ST3GAL6: variants seen among roughly 807,000 people sequenced by gnomAD.
ST3GAL6 encodes type 2 lactosamine alpha-2,3-sialyltransferase.
ST3GAL6 carries 31 observed loss-of-function variants against 40.5 expected under a neutral mutation model. The observed-to-expected ratio is 0.77, with a 90% CI of 0.58 to 1.03. The LOEUF is 1.03. Ranked by LOEUF, ST3GAL6 falls within the 50% of genes least tolerant of loss-of-function variation. ST3GAL6 has a pLI of 0.00. For synonymous variants in ST3GAL6, 129 were observed against 136.9 expected, an observed-to-expected ratio of 0.94 and a Z score of 0.40; for missense variants, 357 against 393.2, an observed-to-expected ratio of 0.91 and a Z score of 0.78.
chr3:98,758,505 T>A (rs1219746086), upstream of ST3GAL6, among the ~76,000 whole-genome samples: 2 of 152,220 alleles, frequency 1.3e-5, no homozygotes, highest in East Asian at 1.9e-4. Flanking sequence ...AAAAAAGATA[T>A]GGTTTCTATA....
chr3:98,732,623 A>T (rs935580962), intron 1 of ST3GAL6: 7 of 471,976 alleles, frequency 1.5e-5, no homozygotes, highest in African/African-American at 1.4e-4. Flanking sequence ...TTCCTCCTCG[A>T]ATTTGGGGGC....
intron 6 of ST3GAL6, 88 bp downstream of exon 6, chr3:98,785,128 G>A: frequency 1.1e-6 from 1 of 911,564 alleles, no homozygotes. Flanking sequence ...GACAGGAAGG[G>A]GAGATGTTTC....
chr3:98,752,966 A>G (rs2107347832), intron 1 of ST3GAL6, among the ~76,000 whole-genome samples: 1 of 152,344 alleles, frequency 6.6e-6, no homozygotes, highest in South Asian at 2.1e-4. Context: ...AGTCCAATTA[A>G]TAATCCTCCA....
chr3:98,746,378 G>A (rs949505929), intron 1 of ST3GAL6, among the ~76,000 whole-genome samples: 2 of 152,042 alleles, frequency 1.3e-5, no homozygotes, highest in Non-Finnish European at 2.9e-5. Context: ...AGTGTACTGG[G>A]GTGACGTTTT....
At chr3:98,782,731 C>T (rs1224434743) in intron 5 of ST3GAL6, 7 of 491,052 alleles carry the variant, frequency 1.4e-5, no homozygotes, top group Non-Finnish European at 2.0e-5. Flanking sequence ...ATGGCGTGTC[C>T]ATAGATCATG....
intron 5 of ST3GAL6, among the ~76,000 whole-genome samples, chr3:98,775,504 C>G (rs1939460317): frequency 6.6e-6 from 1 of 151,672 alleles, no homozygotes; most frequent in Non-Finnish European, 1.5e-5. Context: ...AATTGTGAGT[C>G]CTTGCAGCAA....
In ST3GAL6 at chr3:98,780,769, G is replaced by A. The variant is rs1940024078; in HGVS notation, c.336-4176G>A. Among the ~76,000 whole-genome samples the A allele has an allele frequency of 2.6e-5, 4 of 152,094 alleles. No homozygotes were observed. In the South Asian group the frequency reaches 8.3e-4, roughly 32 times the overall value. ...ATAATGGCACATGTATATGACAGAT[G>A]GTAGCTACTCTTACCATGATACTCT... On this transcript the variant is annotated intron_variant, in intron 5 of 9. Coordinates refer to ENST00000483910, the MANE Select transcript of ST3GAL6 (RefSeq NM_001323368.2).
chr3:98,748,484 G>C (rs1936728775), intron 1 of ST3GAL6, among the ~76,000 whole-genome samples: 1 of 152,012 alleles, frequency 6.6e-6, no homozygotes, highest in Non-Finnish European at 1.5e-5. Flanking sequence ...TTATTTTTTT[G>C]AGACAGAGTC....
intron 1 of ST3GAL6, chr3:98,733,533 C>T: frequency 1.0e-6 from 1 of 985,742 alleles, no homozygotes; most frequent in Non-Finnish European, 1.2e-6. Flanking sequence ...TTTTTCCCTC[C>T]ACAATGGAAC....
Position 98,763,493 on chromosome 3 carries a change from G to C in ST3GAL6, c.-12+54G>C, listed in dbSNP as rs928047044. On this transcript the variant is annotated intron_variant, in intron 1 of 9. Transcript: ENST00000483910. ...AGGGGAAGGTTGTGGCTTAAATCTA[G>C]ATGCTGCTGAGATATTAGACATTAG... 3.9e-6 allele frequency: 5 copies of C among 1,286,074 alleles called. No homozygotes were observed. In the African/African-American group the frequency reaches 6.1e-5, roughly 16 times the overall value. The allele number at this position is 1,286,074 out of a possible 1,614,324, so 79.7% of individuals were successfully genotyped here. A position where few individuals can be genotyped will look rare whatever the true frequency, so the allele number is the denominator to read the frequency against.
Position 98,795,264 on chromosome 3 carries a change from G to A in ST3GAL6, c.*1503G>A, listed in dbSNP as rs564853489. 1 of 152,316 alleles carries A rather than the reference G, an allele frequency of 6.6e-6. No individual in the cohort carries two copies. The highest frequency in any genetic ancestry group is 2.4e-5 in the African/African-American group (1 of 41,552). The allele number at this position is 152,316 out of a possible 1,614,324, so 9.4% of individuals were successfully genotyped here. On this transcript the variant is annotated 3_prime_UTR_variant, in exon 10 of 10. Transcript: ENST00000483910. Reference sequence around the variant, plus strand: ...GGGAAACACTGGAAAACCATGGCTTGATTACTGACAACCAACCTGCCTCTC... The same window carrying A: ...GGGAAACACTGGAAAACCATGGCTTAATTACTGACAACCAACCTGCCTCTC...
intron 5 of ST3GAL6, 63 bp downstream of exon 5, chr3:98,774,046 T>A: frequency 1.5e-6 from 2 of 1,318,228 alleles, no homozygotes; most frequent in Non-Finnish European, 2.2e-6. Flanking sequence ...TCAAAATATG[T>A]ACCCCAAGAA....
chr3:98,771,232 C>A (rs1024813821), intron 3 of ST3GAL6: 2 of 1,145,336 alleles, frequency 1.7e-6, no homozygotes, highest in Non-Finnish European at 2.3e-6. Context: ...TATAAAAAAG[C>A]GAATTGTTCT....
At chr3:98,756,342 A>T in intron 1 of ST3GAL6, 1 of 1,289,094 alleles carries the variant, frequency 7.8e-7, no homozygotes, top group Non-Finnish European at 1.0e-6. Flanking sequence ...ATTCTTAGAA[A>T]CATACTATCT....
intron 1 of ST3GAL6, among the ~76,000 whole-genome samples, chr3:98,754,413 T>C (rs1200527767): frequency 2.0e-5 from 3 of 152,212 alleles, no homozygotes; most frequent in African/African-American, 2.4e-5. Context: ...AATAAAACTT[T>C]AATGAATGAG....
rs114540865 is a variant in ST3GAL6, at chr3:98,735,841, C to G, written c.-12+3309C>G. Among the ~76,000 whole-genome samples, 838 of 152,266 alleles carry G rather than the reference C, an allele frequency of 5.5e-3. 5 individuals are homozygous for G. Among genetic ancestry groups the G allele is most frequent in the African/African-American group, 0.019 (787 of 41,534 alleles). On this transcript the variant is annotated intron_variant, in intron 1 of 9. Coordinates refer to the ST3GAL6 transcript ENST00000265261. Reference sequence around the variant, plus strand: ...TGGTAGGAAATTTTATTTACAATTCCATATCAGGATGTCAGAAACACAATT... The same window carrying G: ...TGGTAGGAAATTTTATTTACAATTCGATATCAGGATGTCAGAAACACAATT...
At chr3:98,749,013 G>A (rs1292408395) in intron 1 of ST3GAL6, among the ~76,000 whole-genome samples, 1 of 152,102 alleles carries the variant, frequency 6.6e-6, no homozygotes, top group Non-Finnish European at 1.5e-5. Context: ...TGAACTACTT[G>A]TTAATTTCTG....
chr3:98,779,884 C>A (rs1379057702), intron 5 of ST3GAL6, among the ~76,000 whole-genome samples: 1 of 152,176 alleles, frequency 6.6e-6, no homozygotes, highest in Non-Finnish European at 1.5e-5. Context: ...AAACTGAATT[C>A]TAAAATGCAC....
At chr3:98,788,565 A>C (rs894541622) in intron 8 of ST3GAL6, 102 bp downstream of exon 8, 22 of 1,105,446 alleles carry the variant, frequency 2.0e-5, no homozygotes, top group Non-Finnish European at 2.6e-5. Flanking sequence ...ACAGCTCATG[A>C]GATGATTTCT....
Sources: allele counts gnomAD v4.1 joint callset (sites outside exome capture counted in the v4.1 genomes callset), GRCh38; gene constraint gnomAD v4.1.1; transcripts MANE v1.5; gene names NCBI Gene and HGNC (gene_info 2026-07-23, HGNC 2026-07-21).